RIN3: variants seen among roughly 807,000 people sequenced by gnomAD.
RIN3 encodes Ras and Rab interactor 3.
In RIN3, 54 loss-of-function variants were observed where a neutral mutation model predicts 76.3. That is an observed-to-expected ratio of 0.71 (90% CI 0.57 to 0.89). The LOEUF (loss-of-function observed/expected upper bound fraction) is 0.89. RIN3 is among the 40% of genes least tolerant of loss of function. The probability of loss-of-function intolerance (pLI) is 0.00; values close to 1 mark genes in which losing one functional copy is unlikely to be tolerated. For missense variants in RIN3, 1,256 were observed against 1,322.1 expected, an observed-to-expected ratio of 0.95 and a Z score of 0.78; for synonymous variants, 576 against 564.0, an observed-to-expected ratio of 1.02 and a Z score of -0.30.
chr14:92,576,149 G>A, intron 2 of RIN3: 1 of 1,112,766 alleles, frequency 9.0e-7, no homozygotes. Context: ...TGGGGAAGCT[G>A]TGCCACAGGA....
intron 1 of RIN3, among the ~76,000 whole-genome samples, chr14:92,545,021 C>T (rs61975762): frequency 0.11 from 16,277 of 151,394 alleles, 1,162 homozygotes; most frequent in Admixed American, 0.19. Context: ...TTCATTCCTT[C>T]CGTAATTTGC....
chr14:92,613,552 G>A (rs754035744), intron 3 of RIN3, among the ~76,000 whole-genome samples: 3 of 152,190 alleles, frequency 2.0e-5, no homozygotes, highest in African/African-American at 4.8e-5. Flanking sequence ...AACACAACAT[G>A]TTGGTTCGCG....
chr14:92,672,507 C>T (rs999482610), intron 7 of RIN3, among the ~76,000 whole-genome samples: 2 of 152,234 alleles, frequency 1.3e-5, no homozygotes, highest in Non-Finnish European at 2.9e-5. Flanking sequence ...ACAGACTGCG[C>T]AGGCAAGGAA....
At chr14:92,606,856 C>T (rs375135852) in intron 3 of RIN3, among the ~76,000 whole-genome samples, 1 of 152,198 alleles carries the variant, frequency 6.6e-6, no homozygotes. Context: ...CTTAAACATA[C>T]AGAATTGCCA....
intron 7 of RIN3, among the ~76,000 whole-genome samples, chr14:92,668,027 A>C (rs542738960): frequency 2.0e-5 from 3 of 152,216 alleles, no homozygotes; most frequent in African/African-American, 7.2e-5. Flanking sequence ...CCTGTCTTTC[A>C]TAATAATTGT....
At chr14:92,687,775 C>T (rs1490756671) in intron 9 of RIN3, 151 bp from the exon 10 acceptor site, 1 of 669,488 alleles carries the variant, frequency 1.5e-6, no homozygotes, top group Non-Finnish European at 2.4e-6. Flanking sequence ...CCCGCAGGCT[C>T]GCGGCAGAGA....
At chr14:92,649,178 C>G (rs1038423872) in intron 5 of RIN3, among the ~76,000 whole-genome samples, 2 of 152,308 alleles carry the variant, frequency 1.3e-5, no homozygotes, top group Admixed American at 6.5e-5. Context: ...GCGGCTACAG[C>G]CGTGATCTGG....
chr14:92,687,896 C>G, intron 9 of RIN3, 30 bp from the exon 10 acceptor site: 1 of 1,510,540 alleles, frequency 6.6e-7, no homozygotes, highest in Non-Finnish European at 8.8e-7. Flanking sequence ...AGGGCCCCGC[C>G]GTGACCACAG....
At chr14:92,659,547 C>A in intron 7 of RIN3, 78 bp downstream of exon 7, 1 of 1,372,738 alleles carries the variant, frequency 7.3e-7, no homozygotes, top group Non-Finnish European at 9.9e-7. Context: ...ACCAGGACTC[C>A]AGAGCCCTTG....
At chr14:92,655,341 C>CT (rs1887628771) in intron 6 of RIN3, among the ~76,000 whole-genome samples, 1 of 152,142 alleles carries the variant, frequency 6.6e-6, no homozygotes, top group Non-Finnish European at 1.5e-5. Context: ...GAGCGAGACT[C>CT]TGTCTCAAGA....
At chr14:92,627,135 C>T (rs914774429) in intron 4 of RIN3, among the ~76,000 whole-genome samples, 1 of 152,198 alleles carries the variant, frequency 6.6e-6, no homozygotes, top group Non-Finnish European at 1.5e-5. Context: ...TATCCCCGTC[C>T]TTACCTTTCC....
Position 92,688,197 on chromosome 14 carries a change from G to T in RIN3, c.2903G>T (p.Gly968Val). Residue 968 changes from glycine (G) to valine (V), a missense_variant, in exon 10 of 10, where the codon GGC becomes GTC. Around this residue, in one of 3 missense-constraint regions of RIN3, gnomAD observed 218 missense variants for 174.5 expected, o/e 1.25. Transcript: ENST00000216487. The part of the protein sequence containing the change: ...FVYRPLDGGG[G>V]GGGGSPPCLV... ...TACCGGCCCCTGGACGGTGGTGGCGGCGGCGGCGGCGGGAGCCCGCCCTGC... is the reference window on the plus strand; with the variant it reads ...TACCGGCCCCTGGACGGTGGTGGCGTCGGCGGCGGCGGGAGCCCGCCCTGC... The T allele has an allele frequency of 7.2e-7, 1 of 1,383,288 alleles. No individual in the cohort carries two copies. The highest frequency in any genetic ancestry group is 1.0e-6 in the Non-Finnish European group (1 of 1,003,912). The allele number at this position is 1,383,288 out of a possible 1,614,324, so 85.7% of individuals were successfully genotyped here.
chr14:92,665,275 A>C (rs1888046110), intron 7 of RIN3, among the ~76,000 whole-genome samples: 1 of 151,852 alleles, frequency 6.6e-6, no homozygotes, highest in Non-Finnish European at 1.5e-5. Context: ...AAAGTCTGGC[A>C]TTATGATCTC....
At chr14:92,519,603 C>T (rs895902559) in intron 1 of RIN3, among the ~76,000 whole-genome samples, 12 of 152,106 alleles carry the variant, frequency 7.9e-5, no homozygotes, top group African/African-American at 1.2e-4. Flanking sequence ...GTCTGAGGGG[C>T]GGCCCTACCA....
intron 7 of RIN3, among the ~76,000 whole-genome samples, chr14:92,670,367 ATGGGC>A (rs975719870): frequency 7.2e-5 from 11 of 152,326 alleles, no homozygotes; most frequent in Admixed American, 7.2e-4. Flanking sequence ...GCACAGCCAA[ATGGGC>A]GTGATCTCTG....
At position 92,574,488 on chromosome 14, in the gene RIN3, C is replaced by T. The variant is rs191820664; in HGVS notation, c.250-2872C>T. ...AGCCCTTTTCTGTTGGCACAGCTGC[C>T]GGCATTCACCCATGCAAGCTTCCAG... On this transcript the variant is annotated intron_variant, in intron 2 of 9. Transcript: ENST00000216487. Among the ~76,000 whole-genome samples the T allele has an allele frequency of 2.5e-3, 379 of 152,260 alleles. 4 individuals carry two copies. The highest frequency in any genetic ancestry group is 0.018 in the South Asian group (86 of 4,822).
chr14:92,686,536 C>T (rs1303436515), intron 9 of RIN3: 2 of 152,368 alleles, frequency 1.3e-5, no homozygotes, highest in Admixed American at 6.5e-5. Context: ...ACCCCGGACT[C>T]CCACAGACTG....
intron 1 of RIN3, among the ~76,000 whole-genome samples, chr14:92,539,579 C>T (rs1419129529): frequency 6.6e-6 from 1 of 152,132 alleles, no homozygotes; most frequent in Non-Finnish European, 1.5e-5. Context: ...GTACCGGGGA[C>T]AGGATTGGTA....
chr14:92,674,819 G>A (rs1441763580), intron 7 of RIN3, among the ~76,000 whole-genome samples: 2 of 151,718 alleles, frequency 1.3e-5, no homozygotes, highest in Non-Finnish European at 2.9e-5. Context: ...AACCCGTGAG[G>A]CGGAGGTTGC....
Sources: gnomAD v4.1 joint callset for allele counts (sites outside exome capture counted in the v4.1 genomes callset) on GRCh38, gnomAD v4.1.1 for gene constraint, gnomAD v4.1.1 regional missense constraint, MANE v1.5 for transcripts, NCBI Gene and HGNC (gene_info 2026-07-23, HGNC 2026-07-21) for gene names.